The following ZFAND3 variants were observed in gnomAD, a reference collection of about 807,000 sequenced individuals.
ZFAND3 encodes AN1-type zinc finger protein 3.
A neutral mutation model predicts 29.6 loss-of-function variants in ZFAND3; 10 were observed. The observed-to-expected ratio is 0.34, with a 90% confidence interval of 0.21 to 0.57. ZFAND3 has a LOEUF of 0.57. Ranked by LOEUF, ZFAND3 falls within the 20% of genes least tolerant of loss-of-function variation. ZFAND3 has a pLI of 0.86. For missense variants in ZFAND3, 230 were observed against 304.5 expected, an observed-to-expected ratio of 0.76 and a Z score of 1.82; for synonymous variants, 128 against 112.6, an observed-to-expected ratio of 1.14 and a Z score of -0.87.
intron 2 of ZFAND3, among the ~76,000 whole-genome samples, chr6:38,009,381 C>T (rs1763107232): frequency 6.6e-6 from 1 of 152,066 alleles, no homozygotes. Flanking sequence ...TTTCTACTGA[C>T]CAGCAAGTAA....
intron 3 of ZFAND3, among the ~76,000 whole-genome samples, chr6:38,070,426 A>AGG (rs55807305): frequency 6.6e-6 from 1 of 150,998 alleles, no homozygotes; most frequent in Admixed American, 6.6e-5. Flanking sequence ...AAAAAAAAAA[A>AGG]AAAGATTTTA....
chr6:38,142,082 A>C (rs189056824), intron 5 of ZFAND3, among the ~76,000 whole-genome samples: 7 of 152,370 alleles, frequency 4.6e-5, no homozygotes, highest in Admixed American at 4.6e-4. Flanking sequence ...ATGCTGTATT[A>C]TCCTGAAAGA....
chr6:37,825,110 C>T (rs539034136), intron 1 of ZFAND3, among the ~76,000 whole-genome samples: 12 of 146,144 alleles, frequency 8.2e-5, no homozygotes, highest in African/African-American at 1.5e-4. Context: ...GATCATCTAG[C>T]TAGTGTGCTT....
intron 5 of ZFAND3, among the ~76,000 whole-genome samples, chr6:38,127,388 A>G (rs763323570): frequency 3.3e-5 from 5 of 152,226 alleles, no homozygotes; most frequent in Non-Finnish European, 7.3e-5. Context: ...GCCATCCCAT[A>G]GACTCATTTC....
At chr6:38,011,189 A>G (rs1224019115) in intron 2 of ZFAND3, among the ~76,000 whole-genome samples, 2 of 151,970 alleles carry the variant, frequency 1.3e-5, no homozygotes, top group Non-Finnish European at 2.9e-5. Flanking sequence ...TAAATTTACC[A>G]CAGTTTGTTG....
intron 1 of ZFAND3, among the ~76,000 whole-genome samples, chr6:37,822,035 A>G (rs999856751): frequency 6.6e-6 from 1 of 152,140 alleles, no homozygotes; most frequent in Non-Finnish European, 1.5e-5. Flanking sequence ...GGATTTTGCC[A>G]TGTTGGCTAA....
chr6:37,976,258 T>A (rs1335877351), intron 2 of ZFAND3, among the ~76,000 whole-genome samples: 1 of 152,150 alleles, frequency 6.6e-6, no homozygotes, highest in Non-Finnish European at 1.5e-5. Context: ...TCTATAAAGA[T>A]GTATTAGTCC....
intron 2 of ZFAND3, among the ~76,000 whole-genome samples, chr6:37,995,589 A>G (rs939411842): frequency 3.9e-5 from 6 of 152,202 alleles, no homozygotes; most frequent in African/African-American, 1.4e-4. Flanking sequence ...AATTCAATTG[A>G]TGTTTATTAA....
At chr6:37,857,880 A>G (rs1764412784) in intron 1 of ZFAND3, among the ~76,000 whole-genome samples, 1 of 152,220 alleles carries the variant, frequency 6.6e-6, no homozygotes, top group Non-Finnish European at 1.5e-5. Context: ...TGTATCAGAT[A>G]GACCTTTTAG....
chr6:37,963,716 C>T (rs1762240680), intron 2 of ZFAND3, among the ~76,000 whole-genome samples: 1 of 152,118 alleles, frequency 6.6e-6, no homozygotes, highest in South Asian at 2.1e-4. Flanking sequence ...ATGTAGAAGC[C>T]TTCTTTCCTC....
At chr6:37,823,924 T>C (rs1003694669) in intron 1 of ZFAND3, among the ~76,000 whole-genome samples, 4 of 152,046 alleles carry the variant, frequency 2.6e-5, no homozygotes, top group African/African-American at 9.7e-5. Flanking sequence ...CCTGAGTAGC[T>C]GGGATTACAG....
chr6:37,835,037 A>G (rs1763941774), intron 1 of ZFAND3, among the ~76,000 whole-genome samples: 1 of 152,176 alleles, frequency 6.6e-6, no homozygotes, highest in East Asian at 1.9e-4. Flanking sequence ...TCTGATGACT[A>G]ACAAAATAGA....
At chr6:38,016,175 A>G (rs956705071) in intron 2 of ZFAND3, among the ~76,000 whole-genome samples, 2 of 152,226 alleles carry the variant, frequency 1.3e-5, no homozygotes, top group Admixed American at 6.5e-5. Flanking sequence ...CTTGTTAGCC[A>G]TCTGACTTTG....
At chr6:37,930,286 G>A (rs1012814195) in intron 2 of ZFAND3, among the ~76,000 whole-genome samples, 2 of 152,114 alleles carry the variant, frequency 1.3e-5, no homozygotes, top group Admixed American at 6.5e-5. Context: ...TAAAAAATGC[G>A]TGCTCATCTT....
chr6:38,000,324 T>C (rs1427707278), intron 2 of ZFAND3, among the ~76,000 whole-genome samples: 1 of 152,182 alleles, frequency 6.6e-6, no homozygotes, highest in African/African-American at 2.4e-5. Context: ...CCAAACAAAT[T>C]TGTGAAAGAG....
chr6:38,083,749 G>A (rs777061750), intron 4 of ZFAND3, among the ~76,000 whole-genome samples: 1 of 152,220 alleles, frequency 6.6e-6, no homozygotes, highest in African/African-American at 2.4e-5. Context: ...CATCCTGAGA[G>A]GTTTGGGAAG....
chr6:38,057,670 C>T (rs1407334427), intron 2 of ZFAND3, among the ~76,000 whole-genome samples: 1 of 152,178 alleles, frequency 6.6e-6, no homozygotes, highest in Non-Finnish European at 1.5e-5. Context: ...CACGTCGTCA[C>T]TCTAAAGCTC....
chr6:38,150,987 C>T (rs1766210811), intron 5 of ZFAND3, among the ~76,000 whole-genome samples: 1 of 152,162 alleles, frequency 6.6e-6, no homozygotes, highest in Non-Finnish European at 1.5e-5. Flanking sequence ...TGATGAGGAG[C>T]CAGCCAGCAC....
At chr6:38,121,354 G>A (rs533164140) in intron 5 of ZFAND3, among the ~76,000 whole-genome samples, 5 of 152,292 alleles carry the variant, frequency 3.3e-5, no homozygotes, top group South Asian at 4.1e-4. Flanking sequence ...TGCAGCATGG[G>A]CAACAGAGAA....
Sources: gnomAD v4.1 joint callset for allele counts (sites outside exome capture counted in the v4.1 genomes callset) on GRCh38, gnomAD v4.1.1 for gene constraint, MANE v1.5 for transcripts, NCBI Gene and HGNC (gene_info 2026-07-23, HGNC 2026-07-21) for gene names.